Variants in LRMDA observed in about 807,000 individuals in gnomAD.
LRMDA encodes leucine-rich melanocyte differentiation-associated protein.
A neutral mutation model predicts 29.8 loss-of-function variants in LRMDA; 18 were observed. The observed-to-expected ratio is 0.60, with a 90% CI of 0.42 to 0.90. The LOEUF (loss-of-function observed/expected upper bound fraction) is 0.90. Ranked by LOEUF, LRMDA falls within the 40% of genes least tolerant of loss-of-function variation. The probability of loss-of-function intolerance (pLI) is 0.00; values close to 1 mark genes in which losing one functional copy is unlikely to be tolerated. For synonymous variants in LRMDA, 125 were observed against 109.4 expected (o/e 1.14, Z -0.89); for missense variants, 273 against 273.9 (o/e 1.00, Z 0.02).
chr10:76,116,363 A>G (rs919767485), intron 5 of LRMDA, among the ~76,000 whole-genome samples: 2 of 152,184 alleles, frequency 1.3e-5, no homozygotes, highest in Admixed American at 1.3e-4. Flanking sequence ...TTTAAAGTGA[A>G]CTGTAGAAAT....
intron 2 of LRMDA, among the ~76,000 whole-genome samples, chr10:75,980,952 C>T (rs1281813028): frequency 6.6e-6 from 1 of 152,178 alleles, no homozygotes; most frequent in African/African-American, 2.4e-5. Context: ...TTATAGAACT[C>T]TCCCCTAGCA....
intron 2 of LRMDA, among the ~76,000 whole-genome samples, chr10:75,755,708 G>A (rs895452363): frequency 6.6e-6 from 1 of 152,224 alleles, no homozygotes; most frequent in Non-Finnish European, 1.5e-5. Flanking sequence ...AAAGGTCCTA[G>A]GCTGACGCAA....
At chr10:76,137,528 A>G (rs1398148210) in intron 5 of LRMDA, among the ~76,000 whole-genome samples, 1 of 152,050 alleles carries the variant, frequency 6.6e-6, no homozygotes, top group African/African-American at 2.4e-5. Context: ...ACTTGATCAA[A>G]TTTTCCACTG....
chr10:75,452,502 C>CT (rs928918302), intron 2 of LRMDA, among the ~76,000 whole-genome samples: 4 of 148,692 alleles, frequency 2.7e-5, no homozygotes, highest in African/African-American at 9.9e-5. Context: ...TGGCCAGAGC[C>CT]TTTTTTGGAT....
At chr10:76,462,374 G>A (rs1842522143) in intron 6 of LRMDA, among the ~76,000 whole-genome samples, 1 of 152,138 alleles carries the variant, frequency 6.6e-6, no homozygotes, top group Non-Finnish European at 1.5e-5. Flanking sequence ...AGTAGAATAA[G>A]TTCCTTCCCA....
At chr10:75,858,467 G>C (rs1017103860) in intron 2 of LRMDA, among the ~76,000 whole-genome samples, 2 of 152,174 alleles carry the variant, frequency 1.3e-5, no homozygotes, top group Non-Finnish European at 2.9e-5. Flanking sequence ...ACTCTGTGCT[G>C]CATTTATTTA....
intron 5 of LRMDA, among the ~76,000 whole-genome samples, chr10:76,246,793 T>G (rs77953595): frequency 0.062 from 9,450 of 152,250 alleles, 368 homozygotes; most frequent in African/African-American, 0.1. Context: ...GCTCTGTCTT[T>G]GCATTGCACA....
intron 2 of LRMDA, among the ~76,000 whole-genome samples, chr10:75,786,559 C>A (rs1031223960): frequency 1.3e-4 from 20 of 151,908 alleles, no homozygotes; most frequent in Non-Finnish European, 2.8e-4. Flanking sequence ...GGAATATATT[C>A]TTTCTGATTT....
At chr10:76,466,016 G>T (rs575184689) in intron 6 of LRMDA, among the ~76,000 whole-genome samples, 2 of 152,284 alleles carry the variant, frequency 1.3e-5, no homozygotes, top group East Asian at 3.9e-4. Context: ...GGTTCTGGGG[G>T]TTTAGAACTT....
At position 75,961,208 on chromosome 10, in the gene LRMDA, C is replaced by T. The variant is rs532550345; in HGVS notation, c.132-74800C>T. Reference sequence around the variant, plus strand: ...TCTTGCCAGCCTGCAAATTAAAACACTCTTAATATTTTGATGTATTTCCTT... The same window carrying T: ...TCTTGCCAGCCTGCAAATTAAAACATTCTTAATATTTTGATGTATTTCCTT... On this transcript the variant is annotated intron_variant, in intron 2 of 6. Coordinates refer to ENST00000611255, the MANE Select transcript of LRMDA (RefSeq NM_001305581.2). Among the ~76,000 whole-genome samples the T allele has an allele frequency of 3.9e-5, 6 of 152,328 alleles. No individual in the cohort carries two copies. In the South Asian group the frequency reaches 1.0e-3, roughly 26 times the overall value.
chr10:76,257,688 T>C (rs1050205877), intron 5 of LRMDA, among the ~76,000 whole-genome samples: 1 of 152,202 alleles, frequency 6.6e-6, no homozygotes, highest in Non-Finnish European at 1.5e-5. Context: ...CAATTCAAAT[T>C]GCTGAAAAAA....
chr10:76,234,569 A>T (rs1281659434), intron 5 of LRMDA, among the ~76,000 whole-genome samples: 1 of 152,182 alleles, frequency 6.6e-6, no homozygotes, highest in African/African-American at 2.4e-5. Flanking sequence ...TTCCCATGTA[A>T]GGCTGTTTTG....
chr10:75,635,329 A>G (rs1001323652), intron 2 of LRMDA, among the ~76,000 whole-genome samples: 2 of 151,640 alleles, frequency 1.3e-5, no homozygotes, highest in African/African-American at 4.8e-5. Flanking sequence ...ATTGTGCCTG[A>G]GTGTCTGCAA....
At chr10:75,696,660 T>G (rs11001474) in intron 2 of LRMDA, among the ~76,000 whole-genome samples, 2,497 of 152,302 alleles carry the variant, frequency 0.016, 56 homozygotes, top group African/African-American at 0.056. Flanking sequence ...ACCCTCTCAC[T>G]TTTACAGATG....
chr10:76,444,781 GA>G (rs552786013), intron 6 of LRMDA, among the ~76,000 whole-genome samples: 1 of 152,102 alleles, frequency 6.6e-6, no homozygotes, highest in East Asian at 1.9e-4. Context: ...GGACAATGGG[GA>G]AAAAAAGTTT....
chr10:75,591,651 C>A (rs547294535), intron 2 of LRMDA, among the ~76,000 whole-genome samples: 18 of 152,272 alleles, frequency 1.2e-4, no homozygotes, highest in South Asian at 1.0e-3. Flanking sequence ...CAGTTCTCCC[C>A]GTAATCGGGA....
intron 2 of LRMDA, among the ~76,000 whole-genome samples, chr10:75,744,150 T>C (rs1321799172): frequency 6.6e-6 from 1 of 152,236 alleles, no homozygotes; most frequent in Admixed American, 6.5e-5. Context: ...GGGAGCTTTT[T>C]AGAGAATTTT....
chr10:75,468,551 A>G (rs1419570719), intron 2 of LRMDA, among the ~76,000 whole-genome samples: 1 of 152,060 alleles, frequency 6.6e-6, no homozygotes, highest in African/African-American at 2.4e-5. Context: ...CATGGGTTAG[A>G]GGTGGTTTGG....
chr10:75,784,939 C>T (rs1843447095), intron 2 of LRMDA, among the ~76,000 whole-genome samples: 1 of 152,228 alleles, frequency 6.6e-6, no homozygotes, highest in Non-Finnish European at 1.5e-5. Context: ...ATAGCCTTTA[C>T]TTGCTGTGTT....
Sources: allele counts gnomAD v4.1 joint callset (sites outside exome capture counted in the v4.1 genomes callset), GRCh38; gene constraint gnomAD v4.1.1; transcripts MANE v1.5; gene names NCBI Gene and HGNC (gene_info 2026-07-23, HGNC 2026-07-21).